JUND: variants seen among roughly 807,000 people sequenced by gnomAD.
JUND encodes the protein transcription factor JunD.
Under a neutral mutation model 7.1 loss-of-function variants are expected in JUND, and 2 were observed. The observed-to-expected ratio is 0.28, with a 90% CI of 0.11 to 0.88. The LOEUF is 0.88. Ranked by LOEUF, JUND falls within the 40% of genes least tolerant of loss-of-function variation. The probability of loss-of-function intolerance (pLI) is 0.60; values close to 1 mark genes in which losing one functional copy is unlikely to be tolerated. For synonymous variants in JUND, 335 were observed against 263.2 expected, an observed-to-expected ratio of 1.27 and a Z score of -2.64; for missense variants, 479 against 519.1, an observed-to-expected ratio of 0.92 and a Z score of 0.75.
chr19:18,280,327 C>G lies in JUND; in HGVS notation c.*114G>C. 8.7e-7 allele frequency: 1 copy of G among 1,149,754 alleles called. No individual in the cohort carries two copies. 71.2% of individuals were successfully genotyped at this position (1,149,754 alleles called of 1,614,324 possible). ...CCCTCTCTGAGTTCCTGGGCACACT[C>G]GGGGAGGGGGGGTCCCCAGGGCCGC... is the stretch of plus-strand genomic sequence containing the variant. On this transcript the variant is annotated 3_prime_UTR_variant, in exon 1 of 1. Coordinates refer to ENST00000252818, the MANE Select transcript of JUND (RefSeq NM_005354.6). This position sits in a 1 kb window ranked among gnomAD's most constrained non-coding sequence, Gnocchi z 4.1.
rs774700162 is a variant in JUND, at chr19:18,281,081, T to G, written c.404A>C (p.Glu135Ala). 1 of 1,576,792 alleles carries G rather than the reference T, an allele frequency of 6.3e-7. No homozygotes were observed. The highest frequency in any genetic ancestry group is 8.6e-7 in the Non-Finnish European group (1 of 1,166,170). Residue 135 changes from glutamate (E) to alanine (A), a missense_variant, in exon 1 of 1, where the codon GAG becomes GCG. Glu to Ala is a moderately radical substitution (Grantham distance 107). Transcript: ENST00000252818. ...YPKVAASEEQ[E>A]FAEGFVKALE... ...GGCCTTGACGAAGCCCTCGGCGAAC[T>G]CCTGCTCCTCGCTGGCCGCCACCTT...
Position 18,280,475 on chromosome 19 carries a change from T to C in JUND, c.1010A>G (p.Gln337Arg), listed in dbSNP as rs200000692. The C allele has an allele frequency of 3.3e-4, 528 of 1,576,260 alleles. No individual in the cohort carries two copies. The highest frequency in any genetic ancestry group is 4.3e-4 in the Non-Finnish European group (505 of 1,161,380). ...KVLSHVNSGC[Q>R]LLPQHQVPAY is the part of the protein sequence containing the mutation. ...GGGCACCTGGTGCTGGGGCAGCAGC[T>C]GGCAGCCGCTGTTGACGTGGCTGAG... Residue 337 changes from glutamine (Q) to arginine (R), a missense_variant, in exon 1 of 1, where the codon CAG becomes CGG. Physicochemically the swap from Gln to Arg is conservative, Grantham distance 43 (BLOSUM62 1). Coordinates refer to ENST00000252818, the MANE Select transcript of JUND (RefSeq NM_005354.6). This position sits in a 1 kb window ranked among gnomAD's most constrained non-coding sequence, Gnocchi z 4.1.
chr19:18,280,690 C>T lies in JUND; in HGVS notation c.795G>A (p.Thr265=), dbSNP rs1452767720. ...SPPLSPIDMD[T]QERIKAERKR... is the part of the protein sequence containing the mutation. ...TGCGCTCCGCCTTGATGCGCTCCTG[C>T]GTGTCCATGTCGATGGGCGACAACG... The change falls in exon 1 of 1, where the codon ACG becomes ACA. Residue 265 remains threonine (T), a synonymous_variant. Transcript: ENST00000252818. This position sits in a 1 kb window ranked among gnomAD's most constrained non-coding sequence, Gnocchi z 4.1. 1 of 1,612,258 alleles carries T rather than the reference C, an allele frequency of 6.2e-7. No homozygotes were observed. Among genetic ancestry groups the T allele is most frequent in the African/African-American group, 1.3e-5 (1 of 74,912 alleles).
rs1568288620 is a variant in JUND, at chr19:18,281,253, C to G, written c.232G>C (p.Ala78Pro). ...PPPTPLRADG[A>P]PSAAPPDGLL... is the part of the protein sequence containing the mutation. ...CCGTCGGGGGGTGCCGCGCTGGGGG[C>G]GCCGTCGGCGCGCAGGGGGGTAGGA... is the stretch of plus-strand genomic sequence containing the variant. Residue 78 changes from alanine to proline, a missense_variant, in exon 1 of 1, where the codon GCC becomes CCC. By Grantham distance (27) the Ala-to-Pro change is conservative. Transcript: ENST00000252818. The G allele has an allele frequency of 1.4e-6, 2 of 1,465,738 alleles. No individual in the cohort carries two copies. The highest frequency in any genetic ancestry group is 4.7e-5 in the Admixed American group (2 of 42,422). The allele number at this position is 1,465,738 out of a possible 1,614,324, so 90.8% of individuals were successfully genotyped here.
Position 18,281,106 on chromosome 19 carries a change from TG to T in JUND, c.378del (p.Lys127ArgfsTer71). ...TCCTGCTCCTCGCTGGCCGCCACCT[TG>T]GGGTAGAGGAACTGTGAGCTCGTCG... is the stretch of plus-strand genomic sequence containing the variant. ...TTPTSSQFLY[P>X]KVAASEEQEF... On this transcript the variant is annotated frameshift_variant, in exon 1 of 1. Transcript: ENST00000252818. LOFTEE classifies it low-confidence loss of function (END_TRUNC). The T allele has an allele frequency of 6.3e-7, 1 of 1,578,540 alleles. No individual in the cohort carries two copies.
chr19:18,281,206 C>T lies in JUND; in HGVS notation c.279G>A (p.Leu93=). 6.6e-7 allele frequency: 1 copy of T among 1,517,836 alleles called. No individual in the cohort carries two copies. Among genetic ancestry groups the T allele is most frequent in the Non-Finnish European group, 8.8e-7 (1 of 1,140,426 alleles). 94.0% of individuals were successfully genotyped at this position (1,517,836 alleles called of 1,614,324 possible). The change falls in exon 1 of 1, where the codon CTG becomes CTA. Residue 93 remains leucine, a synonymous_variant. Transcript: ENST00000252818. ...CGGGGGAGGCCAGCTTCAGCAGCCC[C>T]AGGTCGGGAGAGGCGAGCAGGCCGT... The part of the protein sequence containing the change: ...PPDGLLASPD[L]GLLKLASPEL...
Position 18,281,548 on chromosome 19 carries a change from C to G in JUND, c.-64G>C, listed in dbSNP as rs904477374. The G allele has an allele frequency of 3.8e-6, 3 of 793,468 alleles. No individual in the cohort carries two copies. The highest frequency in any genetic ancestry group is 4.8e-6 in the Non-Finnish European group (3 of 631,518). The allele number at this position is 793,468 out of a possible 1,614,324, so 49.2% of individuals were successfully genotyped here. On this transcript the variant is annotated 5_prime_UTR_variant, in exon 1 of 1. Transcript: ENST00000252818. The stretch of plus-strand genomic sequence containing the variant: ...GCCGCGGCCTCCCGGGGGGCCCGCG[C>G]CCCCCCGTCCGCTCGGCCCTGCGCC...
chr19:18,281,227 G>T lies in JUND; in HGVS notation c.258C>A (p.Gly86=). 6.7e-7 allele frequency: 1 copy of T among 1,493,300 alleles called. No homozygotes were observed. Among genetic ancestry groups the T allele is most frequent in the East Asian group, 2.8e-5 (1 of 35,728 alleles). 92.5% of individuals were successfully genotyped at this position (1,493,300 alleles called of 1,614,324 possible). A position where few individuals can be genotyped will look rare whatever the true frequency, so the allele number is the denominator to read the frequency against. The change falls in exon 1 of 1, where the codon GGC becomes GGA. Residue 86 remains glycine (G), a synonymous_variant. Transcript: ENST00000252818. ...GCCCCAGGTCGGGAGAGGCGAGCAGGCCGTCGGGGGGTGCCGCGCTGGGGG... is the reference window on the plus strand; with the variant it reads ...GCCCCAGGTCGGGAGAGGCGAGCAGTCCGTCGGGGGGTGCCGCGCTGGGGG... ...DGAPSAAPPD[G]LLASPDLGLL...
chr19:18,281,020 C>G lies in JUND; in HGVS notation c.465G>C (p.Ala155=), dbSNP rs896654167. The G allele has an allele frequency of 1.5e-6, 2 of 1,354,348 alleles. No homozygotes were observed. The highest frequency in any genetic ancestry group is 2.9e-5 in the Admixed American group (1 of 34,180). The allele number at this position is 1,354,348 out of a possible 1,614,324, so 83.9% of individuals were successfully genotyped here. The change falls in exon 1 of 1, where the codon GCG becomes GCC. Residue 155 remains alanine, a synonymous_variant. Transcript: ENST00000252818. ...EDLHKQNQLG[A]GAAAAAAAAA... is the part of the protein sequence containing the mutation. ...CGGCGGCGGCGGCAGCGGCCGCGCC[C>G]GCGCCGAGCTGGTTCTGCTTGTGTA...
chr19:18,281,247 TG>T lies in JUND; in HGVS notation c.237del (p.Ser80AlafsTer17), dbSNP rs1194791064. 6.8e-7 allele frequency: 1 copy of T among 1,472,060 alleles called. No homozygotes were observed. The allele number at this position is 1,472,060 out of a possible 1,614,324, so 91.2% of individuals were successfully genotyped here. A position where few individuals can be genotyped will look rare whatever the true frequency, so the allele number is the denominator to read the frequency against. On this transcript the variant is annotated frameshift_variant, in exon 1 of 1. Transcript: ENST00000252818. LOFTEE classifies it low-confidence loss of function (END_TRUNC). Reference sequence around the variant, plus strand: ...AGCAGGCCGTCGGGGGGTGCCGCGCTGGGGGCGCCGTCGGCGCGCAGGGGGG... The same window carrying T: ...AGCAGGCCGTCGGGGGGTGCCGCGCTGGGGCGCCGTCGGCGCGCAGGGGGG... Reference protein sequence around the residue: ...PPTPLRADGAPSAAPPDGLLA... With the variant: ...PPTPLRADGAXSAAPPDGLLA...
rs943717975 is a variant in JUND at position 18,281,422 on chromosome 19, GCTGCCA to G, written c.57_62del (p.Ser21_Gly22del). On this transcript the variant is annotated inframe_deletion, in exon 1 of 1. Coordinates refer to ENST00000252818, the MANE Select transcript of JUND (RefSeq NM_005354.6). ...GGCCCGGGGACGCGAAGCTGCCGCC[GCTGCCA>G]CTGGCGCCGCCGCCCAGGCCGCTCA... The G allele has an allele frequency of 7.3e-7, 1 of 1,361,742 alleles. No individual in the cohort carries two copies. The highest frequency in any genetic ancestry group is 1.5e-5 in the African/African-American group (1 of 65,008). The allele number at this position is 1,361,742 out of a possible 1,614,324, so 84.4% of individuals were successfully genotyped here.
chr19:18,281,440 G>A lies in JUND; in HGVS notation c.45C>T (p.Gly15=), dbSNP rs772734099. 4.3e-5 allele frequency: 59 copies of A among 1,367,892 alleles called. No homozygotes were observed. The highest frequency in any genetic ancestry group is 5.3e-4 in the Middle Eastern group (2 of 3,742). The allele number at this position is 1,367,892 out of a possible 1,614,324, so 84.7% of individuals were successfully genotyped here. A position where few individuals can be genotyped will look rare whatever the true frequency, so the allele number is the denominator to read the frequency against. ...FYGDEALSGL[G]GGASGSGGSF... ...TGCCGCCGCTGCCACTGGCGCCGCC[G>A]CCCAGGCCGCTCAGCGCCTCATCGC... The change falls in exon 1 of 1, where the codon GGC becomes GGT. Residue 15 remains glycine, a synonymous_variant. Coordinates refer to ENST00000252818, the MANE Select transcript of JUND (RefSeq NM_005354.6).
Position 18,280,998 on chromosome 19 carries a change from C to A in JUND, c.487G>T (p.Ala163Ser), listed in dbSNP as rs766480318. 3 of 1,218,586 alleles carry A rather than the reference C, an allele frequency of 2.5e-6. No individual in the cohort carries two copies. The highest frequency in any genetic ancestry group is 3.0e-5 in the South Asian group (1 of 33,762). 75.5% of individuals were successfully genotyped at this position (1,218,586 alleles called of 1,614,324 possible). ...LGAGAAAAAA[A>S]AAAGGPSGTA... ...CCCGAGGGCCCCCCGGCGGCGGCGG[C>A]GGCGGCGGCAGCGGCCGCGCCCGCG... is the stretch of plus-strand genomic sequence containing the variant. The change falls in exon 1 of 1, where the codon GCC becomes TCC. Residue 163 changes from alanine (A) to serine (S), a missense_variant. Ala to Ser is a moderately conservative substitution (Grantham distance 99). Around this residue, in one of 3 missense-constraint regions of JUND, gnomAD observed 374 missense variants for 365.4 expected, o/e 1.02. Coordinates refer to ENST00000252818, the MANE Select transcript of JUND (RefSeq NM_005354.6). The surrounding 1 kb of genome is among the most constrained non-coding windows in gnomAD (Gnocchi z 4.1).
At position 18,281,004 on chromosome 19, in the gene JUND, C is replaced by CGGCGGG; in HGVS notation, c.480_481insCCCGCC (p.Ala160_Ala161insProAla). ...GGCCCCCCGGCGGCGGCGGCGGCGG[C>CGGCGGG]GGCAGCGGCCGCGCCCGCGCCGAGC... On this transcript the variant is annotated inframe_insertion, in exon 1 of 1. Transcript: ENST00000252818. 1 of 1,237,724 alleles carries CGGCGGG rather than the reference C, an allele frequency of 8.1e-7. No individual in the cohort carries two copies. The highest frequency in any genetic ancestry group is 1.0e-6 in the Non-Finnish European group (1 of 992,212). 76.7% of individuals were successfully genotyped at this position (1,237,724 alleles called of 1,614,324 possible).
rs1397419935 is a variant in JUND, at chr19:18,280,639, G to C, written c.846C>G (p.Ala282=). The change falls in exon 1 of 1, where the codon GCC becomes GCG. Residue 282 remains alanine, a synonymous_variant. Transcript: ENST00000252818. This position sits in a 1 kb window ranked among gnomAD's most constrained non-coding sequence, Gnocchi z 4.1. The part of the protein sequence containing the change: ...ERKRLRNRIA[A]SKCRKRKLER... ...CCAGCTTGCGCTTGCGGCACTTGGA[G>C]GCGGCGATGCGGTTGCGCAGCCGCT... The C allele has an allele frequency of 6.2e-7, 1 of 1,612,816 alleles. No individual in the cohort carries two copies. The highest frequency in any genetic ancestry group is 8.5e-7 in the Non-Finnish European group (1 of 1,179,788).
Position 18,280,276 on chromosome 19 carries a change from G to C in JUND, c.*165C>G, listed in dbSNP as rs1169372159. The stretch of plus-strand genomic sequence containing the variant: ...GCTTGTCGAGTCCTGGGCACCCTCG[G>C]GGGGGGGGAATCCCCGGGGGCCGCG... On this transcript the variant is annotated 3_prime_UTR_variant, in exon 1 of 1. Coordinates refer to ENST00000252818, the MANE Select transcript of JUND (RefSeq NM_005354.6). The surrounding 1 kb of genome is among the most constrained non-coding windows in gnomAD (Gnocchi z 4.1). The C allele has an allele frequency of 1.1e-4, 9 of 84,952 alleles. No homozygotes were observed. Among genetic ancestry groups the C allele is most frequent in the East Asian group, 7.8e-4 (1 of 1,280 alleles). 5.3% of individuals were successfully genotyped at this position (84,952 alleles called of 1,614,324 possible).
In JUND at chr19:18,280,555, C is replaced by T; in HGVS notation, c.930G>A (p.Leu310=). ...CGCGCAGCAGGCTCGCCGTGGACGC[C>T]AGCTCCGTGTTCTGACTCTTGAGGG... ...VKTLKSQNTE[L]ASTASLLREQ... is the part of the protein sequence containing the mutation. The change falls in exon 1 of 1, where the codon CTG becomes CTA. Residue 310 remains leucine, a synonymous_variant. Coordinates refer to ENST00000252818, the MANE Select transcript of JUND (RefSeq NM_005354.6). The surrounding 1 kb of genome is among the most constrained non-coding windows in gnomAD (Gnocchi z 4.1). 1 of 1,612,710 alleles carries T rather than the reference C, an allele frequency of 6.2e-7. No individual in the cohort carries two copies. The highest frequency in any genetic ancestry group is 8.5e-7 in the Non-Finnish European group (1 of 1,179,744).
Position 18,281,493 on chromosome 19 carries a change from TC to T in JUND, c.-10del, listed in dbSNP as rs1318458398. 8.7e-6 allele frequency: 11 copies of T among 1,269,934 alleles called. No individual in the cohort carries two copies. In the Admixed American group the frequency reaches 2.9e-4, roughly 34 times the overall value. The allele number at this position is 1,269,934 out of a possible 1,614,324, so 78.7% of individuals were successfully genotyped here. On this transcript the variant is annotated 5_prime_UTR_variant, in exon 1 of 1. Transcript: ENST00000252818. Reference sequence around the variant, plus strand: ...TAGAAGGGTGTTTCCATCCTCCGCCTCCCCCGCCGCGCCGGCCCGGGGGGGA... The same window carrying T: ...TAGAAGGGTGTTTCCATCCTCCGCCTCCCCGCCGCGCCGGCCCGGGGGGGA...
rs41521444 is a variant in JUND, at chr19:18,280,284, G to A, written c.*157C>T. On this transcript the variant is annotated 3_prime_UTR_variant, in exon 1 of 1. Coordinates refer to ENST00000252818, the MANE Select transcript of JUND (RefSeq NM_005354.6). This position sits in a 1 kb window ranked among gnomAD's most constrained non-coding sequence, Gnocchi z 4.1. ...AGTCCTGGGCACCCTCGGGGGGGGGGAATCCCCGGGGGCCGCGCCCTCTCT... is the reference window on the plus strand; with the variant it reads ...AGTCCTGGGCACCCTCGGGGGGGGGAAATCCCCGGGGGCCGCGCCCTCTCT... 6 of 567,870 alleles carry A rather than the reference G, an allele frequency of 1.1e-5. No homozygotes were observed. The African/African-American group carries it at 1.3e-4, about 12-fold the overall frequency. The allele number at this position is 567,870 out of a possible 1,614,324, so 35.2% of individuals were successfully genotyped here. A position where few individuals can be genotyped will look rare whatever the true frequency, so the allele number is the denominator to read the frequency against.
Sources: gnomAD v4.1 joint callset for allele counts on GRCh38, gnomAD v4.1.1 for gene constraint, gnomAD v4.1.1 regional missense constraint, Gnocchi (gnomAD v3.1) non-coding constraint, MANE v1.5 for transcripts, NCBI Gene and HGNC (gene_info 2026-07-23, HGNC 2026-07-21) for gene names.